Variants in SARS2 observed in about 807,000 individuals in gnomAD.
The protein encoded by SARS2 is seryl-tRNA synthetase 2, mitochondrial.
A neutral mutation model predicts 66.8 loss-of-function variants in SARS2; 52 were observed. The observed-to-expected ratio is 0.78, with a 90% CI of 0.62 to 0.98. The LOEUF is 0.98. Among genes scored for constraint, SARS2 ranks in the 50% least tolerant of loss-of-function variants. SARS2 has a pLI of 0.00. For synonymous variants in SARS2, 306 were observed against 281.4 expected, an observed-to-expected ratio of 1.09 and a Z score of -0.87; for missense variants, 673 against 706.3, an observed-to-expected ratio of 0.95 and a Z score of 0.53.
chr19:38,924,847 C>G (rs1042451755), intron 2 of SARS2, among the ~76,000 whole-genome samples: 1 of 152,118 alleles, frequency 6.6e-6, no homozygotes, highest in African/African-American at 2.4e-5. Flanking sequence ...TCACTTTTTC[C>G]CAGCTGTAAA....
In SARS2 at chr19:38,921,549, GGCA is replaced by G; in HGVS notation, c.509_511del (p.Leu170del). 1.2e-6 allele frequency: 2 copies of G among 1,614,182 alleles called. No individual in the cohort carries two copies. The highest frequency in any genetic ancestry group is 1.7e-6 in the Non-Finnish European group (2 of 1,180,016). The stretch of plus-strand genomic sequence containing the variant: ...CACCACGTCTGGGTGGGTCTGGTTG[GGCA>G]GCTTCAGCGCCTGCAGGTAGAACTG... On this transcript the variant is annotated inframe_deletion, in exon 4 of 16. Transcript: ENST00000221431.
At chr19:38,923,503 T>A (rs549949629) in intron 2 of SARS2, among the ~76,000 whole-genome samples, 25 of 147,624 alleles carry the variant, frequency 1.7e-4, no homozygotes, top group Non-Finnish European at 3.1e-4. Context: ...ATTACAGGCG[T>A]GAGCCACCGC....
In SARS2 at chr19:38,929,832, G is replaced by A. The variant is rs74718548; in HGVS notation, c.267+638C>T. On this transcript the variant is annotated intron_variant, in intron 1 of 15. Transcript: ENST00000221431. ...AGACGTGGGGACCCCACTATCGTTA[G>A]CACCTCAACACAGAGATATTGTGAA... 3.2e-3 allele frequency among the ~76,000 whole-genome samples: 485 copies of A among 152,332 alleles called. 2 individuals carry two copies. The highest frequency in any genetic ancestry group is 0.011 in the African/African-American group (475 of 41,570).
intron 2 of SARS2, among the ~76,000 whole-genome samples, chr19:38,922,760 T>G (rs974179091): frequency 6.6e-6 from 1 of 152,160 alleles, no homozygotes; most frequent in Admixed American, 6.5e-5. Flanking sequence ...AGTTACCCCC[T>G]GTGGCTGTCT....
rs1319378630 is a variant in SARS2, at chr19:38,918,714, C to T, written c.807+52G>A. ...CAGGTTTCCCTGCCTCGGGCACCCA[C>T]GGCAGGGCCTGACACCCAGGTGGGC... On this transcript the variant is annotated intron_variant, in intron 8 of 15. Coordinates refer to ENST00000221431, the MANE Select transcript of SARS2 (RefSeq NM_017827.4). 28 of 1,545,468 alleles carry T rather than the reference C, an allele frequency of 1.8e-5. No individual in the cohort carries two copies. The East Asian group carries it at 4.9e-4, about 27-fold the overall frequency.
At chr19:38,924,747 G>A (rs191591278) in intron 2 of SARS2, among the ~76,000 whole-genome samples, 1 of 152,134 alleles carries the variant, frequency 6.6e-6, no homozygotes, top group African/African-American at 2.4e-5. Context: ...GGACTCAAGC[G>A]ATCTTCCTGC....
intron 2 of SARS2, among the ~76,000 whole-genome samples, chr19:38,923,245 G>A (rs1420324963): frequency 4.2e-5 from 4 of 94,430 alleles, no homozygotes; most frequent in East Asian, 6.6e-4. Context: ...TTTTTGAGAC[G>A]GAGTCTCGCT....
chr19:38,927,186 C>T (rs922348941), intron 1 of SARS2, among the ~76,000 whole-genome samples: 19 of 152,008 alleles, frequency 1.2e-4, no homozygotes, highest in African/African-American at 2.9e-4. Context: ...AATCTGCCTG[C>T]CTTGGCCTCC....
intron 2 of SARS2, among the ~76,000 whole-genome samples, chr19:38,923,444 G>C (rs1420049013): frequency 7.3e-6 from 1 of 137,062 alleles, no homozygotes; most frequent in East Asian, 2.2e-4. Context: ...GGATGGTCTC[G>C]ATCTCCTGAC....
chr19:38,927,201 G>A (rs1166372720), intron 1 of SARS2, among the ~76,000 whole-genome samples: 2 of 152,076 alleles, frequency 1.3e-5, no homozygotes, highest in East Asian at 1.9e-4. Context: ...GCCTCCCAAA[G>A]TGCTGGGATT....
In SARS2 at chr19:38,930,598, A is replaced by G; in HGVS notation, c.139T>C (p.Tyr47His). The G allele has an allele frequency of 6.2e-7, 1 of 1,613,896 alleles. No individual in the cohort carries two copies. The highest frequency in any genetic ancestry group is 2.2e-5 in the East Asian group (1 of 44,860). ...EKRNRNLLYE[Y>H]AREGYSALPQ... ...AGTGCGCTGTAGCCCTCGCGCGCAT[A>G]CTCGTACAGGAGGTTCCGGTTTCGT... The change falls in exon 1 of 16, where the codon TAT becomes CAT. Residue 47 changes from tyrosine to histidine, a missense_variant. Coordinates refer to ENST00000221431, the MANE Select transcript of SARS2 (RefSeq NM_017827.4).
rs1974388399 is a variant in SARS2 at position 38,915,314 on chromosome 19, A to G, written c.*292T>C. ...ACTTTTTGCTCAGCACTGTAGGAGG[A>G]AAGAAGGAAGGAGGGATGGAAGCCT... On this transcript the variant is annotated 3_prime_UTR_variant, in exon 16 of 16. Coordinates refer to ENST00000221431, the MANE Select transcript of SARS2 (RefSeq NM_017827.4). 3.1e-5 allele frequency: 17 copies of G among 547,806 alleles called. No individual in the cohort carries two copies. In the East Asian group the frequency reaches 4.9e-4, roughly 16 times the overall value. 33.9% of individuals were successfully genotyped at this position (547,806 alleles called of 1,614,324 possible).
chr19:38,921,090 C>T (rs200319882), intron 5 of SARS2, among the ~76,000 whole-genome samples: 5 of 100,660 alleles, frequency 5.0e-5, no homozygotes, highest in Admixed American at 1.1e-4. Context: ...CAGATACAGA[C>T]ACACATGACA....
chr19:38,918,269 G>C (rs933976558), intron 9 of SARS2, 130 bp from the exon 10 acceptor site: 190 of 1,170,548 alleles, frequency 1.6e-4, no homozygotes, highest in Non-Finnish European at 1.5e-4. Context: ...TCACTGTACT[G>C]CTGTACAGTA....
rs747815067 is a variant in SARS2, at chr19:38,921,383, G to A, written c.589+9C>T. ...GCTTGTCAGCTCCCAGGCCTGGGGTGTGGCCCACCTGGCTTGTCTCCGACC... is the reference window on the plus strand; with the variant it reads ...GCTTGTCAGCTCCCAGGCCTGGGGTATGGCCCACCTGGCTTGTCTCCGACC... On this transcript the variant is annotated intron_variant, in intron 5 of 15. Transcript: ENST00000221431. 6.0e-5 allele frequency: 96 copies of A among 1,612,816 alleles called. No individual in the cohort carries two copies. The highest frequency in any genetic ancestry group is 8.3e-5 in the Admixed American group (5 of 59,992).
intron 2 of SARS2, among the ~76,000 whole-genome samples, chr19:38,923,206 G>A (rs1405130814): frequency 3.0e-5 from 3 of 101,338 alleles, no homozygotes; most frequent in Admixed American, 2.2e-4. Context: ...CGCCCAGCCT[G>A]ATCTCAGGTT....
rs1422483840 is a variant in SARS2 at position 38,918,147 on chromosome 19, G to A, written c.917-8C>T. On this transcript the variant is annotated splice_polypyrimidine_tract_variant and splice_region_variant and intron_variant, in intron 9 of 15. Transcript: ENST00000221431. ...TGTGGTCCATGAAGTAGCCTGGGAGGAGAGACCACAGGGTGAGCCAGGGCT... is the reference window on the plus strand; with the variant it reads ...TGTGGTCCATGAAGTAGCCTGGGAGAAGAGACCACAGGGTGAGCCAGGGCT... The A allele has an allele frequency of 1.3e-6, 2 of 1,594,006 alleles. No individual in the cohort carries two copies. Among genetic ancestry groups the A allele is most frequent in the African/African-American group, 1.3e-5 (1 of 74,746 alleles).
chr19:38,925,498 T>C (rs1432812632), intron 2 of SARS2, among the ~76,000 whole-genome samples: 1 of 151,482 alleles, frequency 6.6e-6, no homozygotes, highest in East Asian at 1.9e-4. Flanking sequence ...GTGGTGGGGG[T>C]CTGGGCCCAG....
intron 8 of SARS2, 45 bp downstream of exon 8, chr19:38,918,721 G>T: frequency 6.4e-7 from 1 of 1,550,436 alleles, no homozygotes; most frequent in Non-Finnish European, 8.7e-7. Context: ...CCACGGCAGG[G>T]CCTGACACCC....
Sources: allele counts gnomAD v4.1 joint callset (sites outside exome capture counted in the v4.1 genomes callset), GRCh38; gene constraint gnomAD v4.1.1; transcripts MANE v1.5; gene names NCBI Gene and HGNC (gene_info 2026-07-23, HGNC 2026-07-21).